The following PARL variants were observed in gnomAD, a reference collection of about 807,000 sequenced individuals.
PARL encodes presenilin-associated rhomboid-like protein, mitochondrial.
PARL carries 44 observed loss-of-function variants against 51.6 expected under a neutral mutation model. The ratio of observed to expected loss-of-function variants is 0.85; its 90% CI spans 0.67 to 1.10. The LOEUF is 1.10. Ranked by LOEUF, PARL falls within the 50% of genes least tolerant of loss-of-function variation. PARL has a pLI of 0.00. For synonymous variants in PARL, 172 were observed against 164.0 expected (o/e 1.05, Z -0.37); for missense variants, 441 against 469.5 (o/e 0.94, Z 0.56).
intron 1 of PARL, chr3:183,883,616 G>A: frequency 2.0e-6 from 2 of 985,254 alleles, no homozygotes; most frequent in Non-Finnish European, 2.4e-6. Context: ...AATCTCAAAT[G>A]GGATTACCAC....
chr3:183,854,760 A>AC (rs1730955207), intron 4 of PARL, among the ~76,000 whole-genome samples: 1 of 151,838 alleles, frequency 6.6e-6, no homozygotes, highest in South Asian at 2.1e-4. Flanking sequence ...AAAAAAAAAA[A>AC]AACAGTTACC....
chr3:183,858,540 T>C (rs768497265), intron 4 of PARL, among the ~76,000 whole-genome samples: 7 of 152,156 alleles, frequency 4.6e-5, no homozygotes, highest in Admixed American at 2.0e-4. Flanking sequence ...TCAAAAATAA[T>C]AATTTAGCTG....
At chr3:183,855,460 A>G (rs1681914505) in intron 4 of PARL, among the ~76,000 whole-genome samples, 1 of 152,104 alleles carries the variant, frequency 6.6e-6, no homozygotes, top group Non-Finnish European at 1.5e-5. Flanking sequence ...ATTTTAAATC[A>G]GTGGTCTCCA....
chr3:183,846,509 G>C (rs1206208348), intron 4 of PARL: 1 of 984,864 alleles, frequency 1.0e-6, no homozygotes, highest in Non-Finnish European at 1.2e-6. Context: ...AAAAAAGCGG[G>C]GGGAAAGATA....
At chr3:183,862,830 C>A in intron 3 of PARL, 29 bp from the exon 4 acceptor site, 2 of 1,587,512 alleles carry the variant, frequency 1.3e-6, no homozygotes, top group Non-Finnish European at 1.7e-6. Flanking sequence ...TGCATCACCA[C>A]ATGTGAGAAA....
At chr3:183,844,959 C>T (rs529650034) in intron 4 of PARL, among the ~76,000 whole-genome samples, 14 of 152,098 alleles carry the variant, frequency 9.2e-5, no homozygotes, top group African/African-American at 3.1e-4. Context: ...GAGGTTTATT[C>T]GATAATATAA....
At chr3:183,862,608 T>C (rs1317018011) in intron 4 of PARL, 145 bp downstream of exon 4, 3 of 689,730 alleles carry the variant, frequency 4.3e-6, no homozygotes, top group East Asian at 2.7e-5. Flanking sequence ...CCACTTTATA[T>C]ACTATTACAT....
chr3:183,877,033 GA>G (rs1733933791), intron 1 of PARL, among the ~76,000 whole-genome samples: 1 of 152,216 alleles, frequency 6.6e-6, no homozygotes, highest in Non-Finnish European at 1.5e-5. Context: ...CCAACATGGT[GA>G]AACCTCATCT....
intron 4 of PARL, among the ~76,000 whole-genome samples, chr3:183,859,294 C>A (rs959907529): frequency 4.6e-5 from 7 of 151,850 alleles, no homozygotes; most frequent in Admixed American, 1.3e-4. Flanking sequence ...AAAACAAAAA[C>A]AAAACTACAG....
At chr3:183,854,928 G>T (rs756032099) in intron 4 of PARL, among the ~76,000 whole-genome samples, 1 of 151,998 alleles carries the variant, frequency 6.6e-6, no homozygotes, top group Non-Finnish European at 1.5e-5. Flanking sequence ...ATAAACAAAT[G>T]TAATATATCC....
intron 1 of PARL, among the ~76,000 whole-genome samples, chr3:183,882,229 A>T (rs1577407005): frequency 3.6e-5 from 1 of 27,700 alleles, no homozygotes. Context: ...AAAAATATAT[A>T]TATATATATA....
At chr3:183,882,247 A>ATATATATATATATATATATTTATATATT (rs1734583255) in intron 1 of PARL, among the ~76,000 whole-genome samples, 1 of 23,312 alleles carries the variant, frequency 4.3e-5, no homozygotes, top group Non-Finnish European at 1.1e-4. Context: ...ATATATATTT[A>ATATATATATATATATATATTTATATATT]TATATATATA....
chr3:183,859,918 A>T (rs1307105827), intron 4 of PARL, among the ~76,000 whole-genome samples: 1 of 152,222 alleles, frequency 6.6e-6, no homozygotes, highest in African/African-American at 2.4e-5. Flanking sequence ...TGTAGCAGTG[A>T]GAAATCTTTA....
chr3:183,862,820 TG>T lies in PARL; in HGVS notation c.463-20del. The T allele has an allele frequency of 6.2e-7, 1 of 1,605,724 alleles. No homozygotes were observed. The highest frequency in any genetic ancestry group is 8.5e-7 in the Non-Finnish European group (1 of 1,172,338). Reference sequence around the variant, plus strand: ...TGTTAATCTAAAACAGACAGAAAATTGCATCACCACATGTGAGAAATTTCAG... The same window carrying T: ...TGTTAATCTAAAACAGACAGAAAATTCATCACCACATGTGAGAAATTTCAG... On this transcript the variant is annotated intron_variant, in intron 3 of 9. Transcript: ENST00000317096.
At chr3:183,884,080 TTCTC>T (rs1734848105) in intron 1 of PARL, among the ~76,000 whole-genome samples, 1 of 152,174 alleles carries the variant, frequency 6.6e-6, no homozygotes, top group Non-Finnish European at 1.5e-5. Flanking sequence ...GGTGAGGAAT[TTCTC>T]TCTTCTCTCT....
chr3:183,854,802 T>C (rs971758670), intron 4 of PARL, among the ~76,000 whole-genome samples: 16 of 147,072 alleles, frequency 1.1e-4, no homozygotes, highest in African/African-American at 3.5e-4. Context: ...CCTGGCTATA[T>C]ATACCGAGAA....
chr3:183,870,909 A>C (rs1361631122), intron 1 of PARL, among the ~76,000 whole-genome samples: 1 of 152,036 alleles, frequency 6.6e-6, no homozygotes, highest in African/African-American at 2.4e-5. Context: ...TTCAGTTAAT[A>C]TATCTCCTCC....
chr3:183,861,472 G>T (rs1249900504), intron 4 of PARL, among the ~76,000 whole-genome samples: 1 of 152,106 alleles, frequency 6.6e-6, no homozygotes, highest in Non-Finnish European at 1.5e-5. Flanking sequence ...AAACTGCAAT[G>T]AGTTCAGAAA....
intron 4 of PARL, among the ~76,000 whole-genome samples, chr3:183,853,329 G>A (rs1049929768): frequency 3.3e-5 from 5 of 152,172 alleles, no homozygotes; most frequent in Non-Finnish European, 5.9e-5. Context: ...TTGGGAGGCT[G>A]AGGTAGGTGG....
Sources: allele counts gnomAD v4.1 joint callset (sites outside exome capture counted in the v4.1 genomes callset), GRCh38; gene constraint gnomAD v4.1.1; transcripts MANE v1.5; gene names NCBI Gene and HGNC (gene_info 2026-07-23, HGNC 2026-07-21).